ADAMTS12: variants seen among roughly 807,000 people sequenced by gnomAD.
The protein encoded by ADAMTS12 is A disintegrin and metalloproteinase with thrombospondin motifs 12.
Under a neutral mutation model 167.8 loss-of-function variants are expected in ADAMTS12, and 118 were observed. The ratio of observed to expected loss-of-function variants is 0.70; its 90% CI spans 0.61 to 0.82. ADAMTS12 has a LOEUF of 0.82. Ranked by LOEUF, ADAMTS12 falls within the 40% of genes least tolerant of loss-of-function variation. ADAMTS12 has a pLI of 0.00. For missense variants in ADAMTS12, 1,916 were observed against 1,998.8 expected, an observed-to-expected ratio of 0.96 and a Z score of 0.79; for synonymous variants, 704 against 716.9, an observed-to-expected ratio of 0.98 and a Z score of 0.29.
intron 14 of ADAMTS12, among the ~76,000 whole-genome samples, chr5:33,620,244 T>A (rs887078008): frequency 2.6e-5 from 4 of 152,340 alleles, no homozygotes; most frequent in African/African-American, 7.2e-5. Flanking sequence ...CAATTCAACT[T>A]TTTCCTGTAA....
intron 22 of ADAMTS12, among the ~76,000 whole-genome samples, chr5:33,536,900 TG>T (rs1744444359): frequency 6.6e-6 from 1 of 152,256 alleles, no homozygotes; most frequent in African/African-American, 2.4e-5. Flanking sequence ...TTCGAGGTCA[TG>T]TTTGCTTTGA....
chr5:33,622,438 G>A (rs374455814), intron 14 of ADAMTS12, among the ~76,000 whole-genome samples: 1 of 152,252 alleles, frequency 6.6e-6, no homozygotes, highest in African/African-American at 2.4e-5. Context: ...GGTGGATCAC[G>A]AGGTCAAGAG....
intron 16 of ADAMTS12, among the ~76,000 whole-genome samples, chr5:33,606,735 G>A (rs1390670460): frequency 6.6e-6 from 1 of 152,140 alleles, no homozygotes; most frequent in Non-Finnish European, 1.5e-5. Flanking sequence ...AGAAAAAAGA[G>A]GAAAAATAAC....
intron 2 of ADAMTS12, among the ~76,000 whole-genome samples, chr5:33,823,653 C>CT (rs11422128): frequency 0.58 from 85,048 of 146,684 alleles, 24,731 homozygotes; most frequent in Non-Finnish European, 0.64. Context: ...CATTTTCTGC[C>CT]TTTTTTTTTT....
chr5:33,542,355 C>T (rs1744750044), intron 22 of ADAMTS12, among the ~76,000 whole-genome samples: 2 of 152,098 alleles, frequency 1.3e-5, no homozygotes, highest in South Asian at 4.1e-4. Flanking sequence ...TAGAGACCTA[C>T]AAAGAGACTT....
chr5:33,733,042 C>T (rs930745054), intron 3 of ADAMTS12, among the ~76,000 whole-genome samples: 1 of 151,226 alleles, frequency 6.6e-6, no homozygotes, highest in African/African-American at 2.4e-5. Context: ...TATTTTTATC[C>T]AATATAACAC....
intron 16 of ADAMTS12, among the ~76,000 whole-genome samples, chr5:33,613,911 T>C (rs1738851943): frequency 2.0e-5 from 3 of 152,224 alleles, no homozygotes; most frequent in Admixed American, 2.0e-4. Context: ...TTGTTCCACT[T>C]TTGTGGTCTT....
intron 13 of ADAMTS12, among the ~76,000 whole-genome samples, chr5:33,630,108 A>C (rs1561181316): frequency 6.6e-6 from 1 of 152,200 alleles, no homozygotes; most frequent in African/African-American, 2.4e-5. Flanking sequence ...TAACTGATTA[A>C]AACATCTTCC....
intron 3 of ADAMTS12, among the ~76,000 whole-genome samples, chr5:33,712,834 T>C (rs1308166002): frequency 1.3e-5 from 2 of 152,124 alleles, no homozygotes; most frequent in African/African-American, 4.8e-5. Flanking sequence ...GGGACTTTGG[T>C]TTCCTTGATT....
At chr5:33,876,458 A>G (rs1356942839) in intron 2 of ADAMTS12, among the ~76,000 whole-genome samples, 1 of 152,204 alleles carries the variant, frequency 6.6e-6, no homozygotes, top group East Asian at 1.9e-4. Flanking sequence ...TCAGATATAG[A>G]CTCGCAAAAA....
At position 33,637,561 on chromosome 5, in the gene ADAMTS12, C is replaced by A; in HGVS notation, c.1888+16G>T. 1 of 1,610,100 alleles carries A rather than the reference C, an allele frequency of 6.2e-7. No individual in the cohort carries two copies. The highest frequency in any genetic ancestry group is 1.1e-5 in the South Asian group (1 of 90,332). On this transcript the variant is annotated intron_variant, in intron 12 of 23. Coordinates refer to ENST00000504830, the MANE Select transcript of ADAMTS12 (RefSeq NM_030955.4). ...GCTGTTCCCTAGATCTGAGATACAC[C>A]ATTACAGCTCCTTACCTGGGTTAAA...
intron 16 of ADAMTS12, among the ~76,000 whole-genome samples, chr5:33,607,702 G>C (rs1579739269): frequency 6.6e-6 from 1 of 151,796 alleles, no homozygotes; most frequent in Non-Finnish European, 1.5e-5. Context: ...AGTGTTTTGT[G>C]GTTCTCCTTG....
intron 2 of ADAMTS12, among the ~76,000 whole-genome samples, chr5:33,842,615 T>G (rs1404534232): frequency 6.6e-6 from 1 of 152,198 alleles, no homozygotes; most frequent in East Asian, 1.9e-4. Context: ...CATAAGGAAC[T>G]ATTGAGGAAA....
intron 2 of ADAMTS12, among the ~76,000 whole-genome samples, chr5:33,779,397 G>A (rs1477047389): frequency 2.0e-5 from 3 of 152,030 alleles, no homozygotes; most frequent in Admixed American, 6.5e-5. Flanking sequence ...TGTTGGTCAG[G>A]CTGGTCTTGA....
intron 3 of ADAMTS12, among the ~76,000 whole-genome samples, chr5:33,709,165 G>A (rs1293659214): frequency 6.6e-6 from 1 of 152,030 alleles, no homozygotes; most frequent in Non-Finnish European, 1.5e-5. Flanking sequence ...ACCATCTCAG[G>A]CCAGTCATAA....
chr5:33,596,157 G>A (rs1354279641), intron 16 of ADAMTS12, 97 bp from the exon 17 acceptor site: 7 of 1,457,984 alleles, frequency 4.8e-6, no homozygotes, highest in Admixed American at 2.1e-5. Flanking sequence ...TCATGCTGAC[G>A]GCTGATGGGA....
At chr5:33,592,217 G>A (rs571695899) in intron 17 of ADAMTS12, among the ~76,000 whole-genome samples, 3 of 151,300 alleles carry the variant, frequency 2.0e-5, no homozygotes, top group African/African-American at 4.9e-5. Flanking sequence ...CAACAAGAGC[G>A]AAACTCCGTC....
chr5:33,830,623 T>C (rs1748261979), intron 2 of ADAMTS12, among the ~76,000 whole-genome samples: 1 of 152,042 alleles, frequency 6.6e-6, no homozygotes, highest in Non-Finnish European at 1.5e-5. Context: ...ACACTGTCTC[T>C]ATTAAAAATT....
intron 17 of ADAMTS12, among the ~76,000 whole-genome samples, chr5:33,591,002 A>G (rs950697160): frequency 2.0e-5 from 3 of 150,942 alleles, no homozygotes; most frequent in South Asian, 2.1e-4. Context: ...GGTGTTTGCC[A>G]TAATCCCACC....
Sources: allele counts gnomAD v4.1 joint callset (sites outside exome capture counted in the v4.1 genomes callset), GRCh38; gene constraint gnomAD v4.1.1; transcripts MANE v1.5; gene names NCBI Gene and HGNC (gene_info 2026-07-23, HGNC 2026-07-21).